The following PCDH11X variants were observed in gnomAD, a reference collection of about 807,000 sequenced individuals.
The protein encoded by PCDH11X is protocadherin-11 X-linked.
PCDH11X carries 18 observed loss-of-function variants against 53.3 expected under a neutral mutation model. The observed-to-expected ratio is 0.34, with a 90% confidence interval of 0.23 to 0.50. PCDH11X has a LOEUF of 0.50. Ranked by LOEUF, PCDH11X falls within the 20% of genes least tolerant of loss-of-function variation. The probability of loss-of-function intolerance (pLI) is 0.98; values close to 1 mark genes in which losing one functional copy is unlikely to be tolerated. For synonymous variants in PCDH11X, 279 were observed against 393.3 expected (o/e 0.71, Z 3.44); for missense variants, 570 against 1,032.4 (o/e 0.55, Z 6.14).
intron 8 of PCDH11X, among the ~76,000 whole-genome samples, chrX:92,369,946 C>T (rs2070574831): frequency 9.4e-6 from 1 of 106,418 alleles, no homozygotes; most frequent in Non-Finnish European, 1.9e-5. Flanking sequence ...CCTATTTGGC[C>T]ACCTTGGCCC....
At chrX:92,194,606 TCTC>T (rs2066259753) in intron 6 of PCDH11X, among the ~76,000 whole-genome samples, 2 of 111,429 alleles carry the variant, frequency 1.8e-5, no homozygotes, top group African/African-American at 3.2e-5. Context: ...GAAAATGTCT[TCTC>T]CTTGAAATAA....
At chrX:92,365,279 G>T (rs776406431) in intron 8 of PCDH11X, among the ~76,000 whole-genome samples, 1 of 102,072 alleles carries the variant, frequency 9.8e-6, no homozygotes, top group Admixed American at 1.1e-4. Context: ...GTATAGTATA[G>T]AAAATATATA....
chrX:92,188,342 T>A (rs746531392), intron 6 of PCDH11X, among the ~76,000 whole-genome samples: 120 of 111,692 alleles, frequency 1.1e-3, no homozygotes, highest in Non-Finnish European at 2.0e-3. Context: ...TAATAAGGCA[T>A]TGACACTGAG....
At chrX:91,999,958 T>C (rs1272348496) in intron 6 of PCDH11X, among the ~76,000 whole-genome samples, 1 of 111,437 alleles carries the variant, frequency 9.0e-6, no homozygotes, top group African/African-American at 3.3e-5. Flanking sequence ...ACATTGGCTT[T>C]CGTCGTCTTA....
At position 91,871,709 on chromosome X, in the gene PCDH11X, G is replaced by GA. The variant is rs60451031; in HGVS notation, c.541-5062dup. Among the ~76,000 whole-genome samples the GA allele has an allele frequency of 3.1e-3, 332 of 106,212 alleles. 1 individual carries two copies. Among genetic ancestry groups the GA allele is most frequent in the African/African-American group, 0.01 (296 of 29,580 alleles). The allele number at this position is 106,212 out of a possible 115,157, so 92.2% of individuals were successfully genotyped here. ...AATATCCTTTATCAATTTTTTAAAA[G>GA]AAAAAAAAAACTTCTCTTGCAAATT... On this transcript the variant is annotated intron_variant, in intron 5 of 10. Transcript: ENST00000682573.
At chrX:92,035,490 C>A (rs1469596637) in intron 6 of PCDH11X, among the ~76,000 whole-genome samples, 2 of 99,158 alleles carry the variant, frequency 2.0e-5, no homozygotes, top group African/African-American at 7.4e-5. Flanking sequence ...AAGGTTTCGA[C>A]TGAAAAGTTT....
chrX:92,620,338 T>C lies in PCDH11X; in HGVS notation c.*1398T>C, dbSNP rs912988123. 1 of 110,588 alleles carries C rather than the reference T, an allele frequency of 9.0e-6. No homozygotes were observed. Among genetic ancestry groups the C allele is most frequent in the Non-Finnish European group, 1.9e-5 (1 of 52,831 alleles). The allele number at this position is 110,588 out of a possible 1,213,427, so 9.1% of individuals were successfully genotyped here. ...TATTTCCTTCTTGTATCCTCTTAAC[T>C]GGCCATTATCTTGTATGTGCACATT... On this transcript the variant is annotated 3_prime_UTR_variant, in exon 11 of 11. Transcript: ENST00000682573.
intron 9 of PCDH11X, among the ~76,000 whole-genome samples, chrX:92,412,599 T>TA (rs1256352193): frequency 9.8e-6 from 1 of 102,369 alleles, no homozygotes; most frequent in African/African-American, 3.5e-5. Flanking sequence ...CTTTTTTTTT[T>TA]ATAAACCAGC....
intron 9 of PCDH11X, among the ~76,000 whole-genome samples, chrX:92,430,819 T>G: frequency 9.1e-6 from 1 of 109,328 alleles, no homozygotes; most frequent in African/African-American, 3.3e-5. Context: ...TAAAAATAAA[T>G]CAGGTTTACA....
At chrX:92,258,283 G>A (rs1289629424) in intron 7 of PCDH11X, among the ~76,000 whole-genome samples, 6 of 110,923 alleles carry the variant, frequency 5.4e-5, no homozygotes, top group South Asian at 7.6e-4. Context: ...GGGTGCTACG[G>A]TGAAGGTGTC....
intron 7 of PCDH11X, among the ~76,000 whole-genome samples, chrX:92,232,749 T>C (rs779302619): frequency 1.6e-4 from 18 of 112,161 alleles, no homozygotes; most frequent in Non-Finnish European, 3.0e-4. Flanking sequence ...CGGAGTCTCG[T>C]TTTGTCGCCC....
intron 6 of PCDH11X, among the ~76,000 whole-genome samples, chrX:91,980,090 GTT>G (rs2147924647): frequency 9.8e-6 from 1 of 101,674 alleles, no homozygotes; most frequent in Non-Finnish European, 2.0e-5. Flanking sequence ...AGCTTTGGCT[GTT>G]TACCCTAAGT....
At chrX:92,098,857 G>A (rs1398272387) in intron 6 of PCDH11X, among the ~76,000 whole-genome samples, 1 of 110,141 alleles carries the variant, frequency 9.1e-6, no homozygotes, top group African/African-American at 3.3e-5. Context: ...ATGTTGGTCA[G>A]GCTGGTCTCG....
At chrX:91,781,356 A>AGTC (rs1256748077) in intron 1 of PCDH11X, among the ~76,000 whole-genome samples, 1 of 111,306 alleles carries the variant, frequency 9.0e-6, no homozygotes, top group East Asian at 2.9e-4. Flanking sequence ...GTGTCATAGC[A>AGTC]GTCGCCTGTG....
intron 6 of PCDH11X, among the ~76,000 whole-genome samples, chrX:91,891,672 A>T (rs1409559326): frequency 1.9e-5 from 2 of 106,246 alleles, no homozygotes; most frequent in Non-Finnish European, 3.8e-5. Flanking sequence ...GTTTACCATG[A>T]GTTCAGACAA....
At chrX:92,016,525 G>A (rs1220603087) in intron 6 of PCDH11X, among the ~76,000 whole-genome samples, 1 of 110,987 alleles carries the variant, frequency 9.0e-6, no homozygotes. Context: ...AGCACCTGCT[G>A]CACTTTTATA....
chrX:91,818,089 T>C (rs1170815047), intron 4 of PCDH11X, among the ~76,000 whole-genome samples: 1 of 111,719 alleles, frequency 9.0e-6, no homozygotes, highest in Non-Finnish European at 1.9e-5. Context: ...ATATTTTACA[T>C]TTATCAGCTA....
At position 92,618,907 on chromosome X, in the gene PCDH11X, T is replaced by A. The variant is rs1302499325; in HGVS notation, c.4011T>A (p.Gly1337=). 8.3e-7 allele frequency: 1 copy of A among 1,210,453 alleles called. No individual in the cohort carries two copies. Among genetic ancestry groups the A allele is most frequent in the African/African-American group, 1.7e-5 (1 of 57,358 alleles). Residue 1337 remains glycine, a synonymous_variant, in exon 11 of 11, where the codon GGT becomes GGA. Transcript: ENST00000682573. ...GCCAACAGGCCAGACCGTCCAGAGG[T>A]GATTCCCCCATTATGGAAGAACATC... The part of the protein sequence containing the change: ...TPRQQARPSR[G]DSPIMEEHPL
chrX:92,230,426 TAA>T (rs1569432506), intron 7 of PCDH11X, among the ~76,000 whole-genome samples: 868 of 59,604 alleles, frequency 0.015, 11 homozygotes, highest in African/African-American at 0.044. Flanking sequence ...ATATAATATA[TAA>T]ATATATATTA....
Sources: allele counts gnomAD v4.1 joint callset (sites outside exome capture counted in the v4.1 genomes callset), GRCh38; gene constraint gnomAD v4.1.1; transcripts MANE v1.5; gene names NCBI Gene and HGNC (gene_info 2026-07-23, HGNC 2026-07-21).